TRIM36: variants seen among roughly 807,000 people sequenced by gnomAD.
TRIM36 encodes tripartite motif containing 36.
In TRIM36, 42 loss-of-function variants were observed where a neutral mutation model predicts 72.4. That is an observed-to-expected ratio of 0.58 (90% CI 0.45 to 0.75). The LOEUF (loss-of-function observed/expected upper bound fraction) is 0.75. Ranked by LOEUF, TRIM36 falls within the 30% of genes least tolerant of loss-of-function variation. TRIM36 has a pLI of 0.00. For missense variants in TRIM36, 913 were observed against 857.1 expected (o/e 1.07, Z -0.81); for synonymous variants, 315 against 282.8 (o/e 1.11, Z -1.14).
chr5:115,127,540 AAC>A (rs953651332), intron 9 of TRIM36, among the ~76,000 whole-genome samples: 2 of 152,250 alleles, frequency 1.3e-5, no homozygotes, highest in African/African-American at 4.8e-5. Context: ...CAGTCCTGGC[AAC>A]AGAGCGAGAC....
chr5:115,155,523 T>C (rs1477455407), intron 2 of TRIM36, among the ~76,000 whole-genome samples: 1 of 152,158 alleles, frequency 6.6e-6, no homozygotes, highest in Non-Finnish European at 1.5e-5. Context: ...TGCAAGTCAA[T>C]AAATGTGATA....
rs369406364 is a variant in TRIM36, at chr5:115,125,592, C to G, written c.*911G>C. 1 of 151,668 alleles carries G rather than the reference C, an allele frequency of 6.6e-6. No individual in the cohort carries two copies. The highest frequency in any genetic ancestry group is 2.1e-4 in the South Asian group (1 of 4,786). The allele number at this position is 151,668 out of a possible 1,614,324, so 9.4% of individuals were successfully genotyped here. On this transcript the variant is annotated 3_prime_UTR_variant, in exon 10 of 10. Transcript: ENST00000513154. ...AAAACCTGATATGTAATAATTGGGC[C>G]AAAAATGAAAATCACAAAACACAGT...
intron 9 of TRIM36, among the ~76,000 whole-genome samples, chr5:115,129,424 G>T (rs1752532648): frequency 6.6e-6 from 1 of 152,182 alleles, no homozygotes; most frequent in Non-Finnish European, 1.5e-5. Flanking sequence ...CGGGTGTGGT[G>T]GTGCATGCCT....
At position 115,179,974 on chromosome 5, in the gene TRIM36, C is replaced by CCTTG; in HGVS notation, c.60_63dup (p.Val22GlnfsTer5). 1 of 1,614,020 alleles carries CCTTG rather than the reference C, an allele frequency of 6.2e-7. No homozygotes were observed. The highest frequency in any genetic ancestry group is 8.5e-7 in the Non-Finnish European group (1 of 1,179,928). On this transcript the variant is annotated frameshift_variant and splice_region_variant. Transcript: ENST00000282369. LOFTEE classifies it high-confidence loss of function. Reference sequence around the variant, plus strand: ...GCGGCGCCCCGCGCCTCATCACTTACCTTGCCTTTAGCTATCAATTCCATG... The same window carrying CCTTG: ...GCGGCGCCCCGCGCCTCATCACTTACCTTGCTTGCCTTTAGCTATCAATTCCATG...
At chr5:115,171,102 T>C, upstream of TRIM36, 4 of 1,614,222 alleles carry the variant, frequency 2.5e-6, no homozygotes, top group Non-Finnish European at 3.4e-6. Context: ...AGACATCTCG[T>C]TTAGGTTTTA....
Position 115,167,437 on chromosome 5 carries a change from A to G in TRIM36, c.27+2171T>C, listed in dbSNP as rs186565432. On this transcript the variant is annotated intron_variant, in intron 1 of 9. Transcript: ENST00000513154. The stretch of plus-strand genomic sequence containing the variant: ...AAAATAGGTTTTTCCTTTCTACTCC[A>G]TGGTAAGGCTGCAAATTTTCCAAAC... Among the ~76,000 whole-genome samples, 661 of 152,318 alleles carry G rather than the reference A, an allele frequency of 4.3e-3. 1 individual carries two copies. The highest frequency in any genetic ancestry group is 7.0e-3 in the Non-Finnish European group (474 of 68,028).
At chr5:115,129,436 T>C (rs1366428964) in intron 9 of TRIM36, among the ~76,000 whole-genome samples, 7 of 152,112 alleles carry the variant, frequency 4.6e-5, no homozygotes, top group Admixed American at 6.5e-5. Flanking sequence ...TGCATGCCTA[T>C]AATCCCAGCT....
At chr5:115,148,977 T>C (rs890610494) in intron 2 of TRIM36, 3 of 152,192 alleles carry the variant, frequency 2.0e-5, no homozygotes, top group Non-Finnish European at 2.9e-5. Context: ...AATCAGCCCA[T>C]AATAATACTT....
chr5:115,171,358 G>A, upstream of TRIM36: 3 of 1,268,272 alleles, frequency 2.4e-6, no homozygotes, highest in Non-Finnish European at 3.2e-6. Context: ...GTTCTGATCC[G>A]GATTAATGCC....
intron 3 of TRIM36, among the ~76,000 whole-genome samples, chr5:115,145,488 T>C (rs865904348): frequency 6.6e-6 from 1 of 152,208 alleles, no homozygotes; most frequent in Admixed American, 6.5e-5. Context: ...TTTTAAGCAA[T>C]TGTAACTTGT....
rs1752314779 is a variant in TRIM36, at chr5:115,125,130, C to G, written c.*1373G>C. 6.6e-6 allele frequency: 1 copy of G among 152,184 alleles called. No homozygotes were observed. The highest frequency in any genetic ancestry group is 2.4e-5 in the African/African-American group (1 of 41,400). 9.4% of individuals were successfully genotyped at this position (152,184 alleles called of 1,614,324 possible). A position where few individuals can be genotyped will look rare whatever the true frequency, so the allele number is the denominator to read the frequency against. Reference sequence around the variant, plus strand: ...TAACAGATTTCCATTAAAAATATAACAACAAGGACAACCAAAAAAAACAGG... The same window carrying G: ...TAACAGATTTCCATTAAAAATATAAGAACAAGGACAACCAAAAAAAACAGG... On this transcript the variant is annotated 3_prime_UTR_variant, in exon 10 of 10. Transcript: ENST00000513154.
At position 115,130,572 on chromosome 5, in the gene TRIM36, A is replaced by G. The variant is rs1372839860; in HGVS notation, c.1796+20T>C. 6.2e-7 allele frequency: 1 copy of G among 1,602,454 alleles called. No individual in the cohort carries two copies. Among genetic ancestry groups the G allele is most frequent in the East Asian group, 2.2e-5 (1 of 44,746 alleles). On this transcript the variant is annotated intron_variant, in intron 9 of 9. Transcript: ENST00000513154. Reference sequence around the variant, plus strand: ...TACTTTTAAAAAATTATCAAGTTCTAGATCAATACAAAAACCTACCTTGGA... The same window carrying G: ...TACTTTTAAAAAATTATCAAGTTCTGGATCAATACAAAAACCTACCTTGGA...
intron 2 of TRIM36, chr5:115,148,393 T>G: frequency 1.0e-6 from 1 of 959,460 alleles, no homozygotes; most frequent in Non-Finnish European, 1.2e-6. Context: ...GCATATCACA[T>G]TCCCTCATTT....
intron 2 of TRIM36, among the ~76,000 whole-genome samples, chr5:115,161,894 G>A (rs1754503119): frequency 6.6e-6 from 1 of 152,166 alleles, no homozygotes; most frequent in Admixed American, 6.5e-5. Flanking sequence ...CTTCATTAAT[G>A]CACCCGTTTG....
chr5:115,156,185 C>T (rs1235493965), intron 2 of TRIM36, among the ~76,000 whole-genome samples: 1 of 152,064 alleles, frequency 6.6e-6, no homozygotes, highest in Admixed American at 6.5e-5. Flanking sequence ...AATGGAAACA[C>T]ATCCCATGCT....
chr5:115,158,530 C>T (rs1187879398), intron 2 of TRIM36, among the ~76,000 whole-genome samples: 2 of 152,238 alleles, frequency 1.3e-5, no homozygotes, highest in Non-Finnish European at 2.9e-5. Flanking sequence ...ACTTCCCCAT[C>T]GCTATCCCTG....
intron 5 of TRIM36, among the ~76,000 whole-genome samples, chr5:115,138,095 T>TA (rs1341818014): frequency 6.6e-6 from 1 of 152,212 alleles, no homozygotes; most frequent in African/African-American, 2.4e-5. Flanking sequence ...TCCAACTTTT[T>TA]AAAAAGTTGT....
At chr5:115,135,353 G>A (rs928231805) in intron 7 of TRIM36, among the ~76,000 whole-genome samples, 1 of 151,816 alleles carries the variant, frequency 6.6e-6, no homozygotes, top group Non-Finnish European at 1.5e-5. Flanking sequence ...ATGTTATGCA[G>A]CCATAATGAG....
chr5:115,140,592 T>TC (rs1169342152), intron 5 of TRIM36, among the ~76,000 whole-genome samples: 1 of 152,086 alleles, frequency 6.6e-6, no homozygotes, highest in Non-Finnish European at 1.5e-5. Flanking sequence ...CCTACCCCCC[T>TC]CCTCAACTCT....
Sources: allele counts gnomAD v4.1 joint callset (sites outside exome capture counted in the v4.1 genomes callset), GRCh38; gene constraint gnomAD v4.1.1; transcripts MANE v1.5; gene names NCBI Gene and HGNC (gene_info 2026-07-23, HGNC 2026-07-21).